The following ARVCF variants were observed in gnomAD, a reference collection of about 807,000 sequenced individuals.
ARVCF encodes ARVCF delta catenin family member, also known as splicing regulator ARVCF.
ARVCF carries 66 observed loss-of-function variants against 90.9 expected under a neutral mutation model. That is an observed-to-expected ratio of 0.73 (90% CI 0.60 to 0.89). The LOEUF (loss-of-function observed/expected upper bound fraction) is 0.89, where lower values mean the gene tolerates loss of function less well. ARVCF is among the 40% of genes least tolerant of loss of function. ARVCF has a pLI of 0.00. For missense variants in ARVCF, 1,469 were observed against 1,382.3 expected, an observed-to-expected ratio of 1.06 and a Z score of -1.00; for synonymous variants, 653 against 603.4, an observed-to-expected ratio of 1.08 and a Z score of -1.21.
downstream of ARVCF, among the ~76,000 whole-genome samples, chr22:19,966,092 T>C (rs1488520577): frequency 1.3e-5 from 2 of 152,212 alleles, no homozygotes; most frequent in Admixed American, 1.3e-4. Flanking sequence ...AACTAATAGT[T>C]TTCTCAGTGC....
chr22:19,975,665 G>C (rs372229067), intron 11 of ARVCF, 21 bp downstream of exon 11: 1 of 1,613,136 alleles, frequency 6.2e-7, no homozygotes, highest in Admixed American at 1.7e-5. Flanking sequence ...AGTGGAGCTG[G>C]CTTCATCTCA....
chr22:19,971,428 T>C (rs964754071), intron 18 of ARVCF, 93 bp from the exon 19 acceptor site: 13 of 1,432,394 alleles, frequency 9.1e-6, no homozygotes, highest in African/African-American at 1.4e-5. Context: ...AGGCTGGCGA[T>C]GTAAGGGTTG....
chr22:20,003,836 C>G (rs1268500504), intron 2 of ARVCF, among the ~76,000 whole-genome samples: 1 of 151,214 alleles, frequency 6.6e-6, no homozygotes, highest in Admixed American at 6.6e-5. Context: ...TTGACCACTT[C>G]CATTCAACAT....
chr22:20,013,390 T>A (rs1156735760), intron 1 of ARVCF, among the ~76,000 whole-genome samples: 1 of 152,246 alleles, frequency 6.6e-6, no homozygotes, highest in Non-Finnish European at 1.5e-5. Flanking sequence ...ACCCACCAGC[T>A]GGCCTTCAGG....
Position 19,972,818 on chromosome 22 carries a change from C to G in ARVCF, c.2560G>C (p.Ala854Pro). The change falls in exon 16 of 20, where the codon GCT (alanine) becomes CCT (proline). Residue 854 changes from alanine to proline, a missense_variant. Ala to Pro is a conservative substitution (Grantham distance 27). Coordinates refer to ENST00000263207, the MANE Select transcript of ARVCF (RefSeq NM_001670.3). ...GCTCCCTTAGGCCCCTTGGCAGTAGCAGCAGCTGACTGAGACATAAAACAC... is the reference window on the plus strand; with the variant it reads ...GCTCCCTTAGGCCCCTTGGCAGTAGGAGCAGCTGACTGAGACATAAAACAC... ...WTKARFQSAA[A>P]TAKGPKGALS... 1.2e-6 allele frequency: 2 copies of G among 1,613,554 alleles called. No individual in the cohort carries two copies. The highest frequency in any genetic ancestry group is 1.7e-6 in the Non-Finnish European group (2 of 1,179,764).
intron 11 of ARVCF, among the ~76,000 whole-genome samples, chr22:19,974,611 G>C (rs887086264): frequency 6.6e-6 from 1 of 151,762 alleles, no homozygotes; most frequent in African/African-American, 2.4e-5. Context: ...ACCCTCCCTG[G>C]CAACAAGACC....
rs1601566652 is a variant in ARVCF, at chr22:19,972,419, G to A, written c.2642-8C>T. ...TGCCAGTTTTCTCGCCCTCTGCAAG[G>A]CAGGAGGAGGAGACGGGCTGCATGT... is the stretch of plus-strand genomic sequence containing the variant. On this transcript the variant is annotated splice_polypyrimidine_tract_variant and splice_region_variant and intron_variant, in intron 16 of 19. Coordinates refer to ENST00000263207, the MANE Select transcript of ARVCF (RefSeq NM_001670.3). 1 of 1,613,434 alleles carries A rather than the reference G, an allele frequency of 6.2e-7. No homozygotes were observed.
Position 20,001,629 on chromosome 22 carries a change from C to A in ARVCF, c.-19+8826G>T, listed in dbSNP as rs143233301. ...GACCTGCCTGACCAACATGGAGAAA[C>A]CCCATCTCTACTAAAGATACAAACA... is the stretch of plus-strand genomic sequence containing the variant. On this transcript the variant is annotated intron_variant, in intron 2 of 19. Coordinates refer to ENST00000263207, the MANE Select transcript of ARVCF (RefSeq NM_001670.3). Among the ~76,000 whole-genome samples the A allele has an allele frequency of 1.8e-3, 277 of 152,180 alleles. 1 individual carries two copies. Among genetic ancestry groups the A allele is most frequent in the African/African-American group, 6.5e-3 (269 of 41,502 alleles).
chr22:20,005,944 T>C (rs1944608791), intron 2 of ARVCF, among the ~76,000 whole-genome samples: 1 of 152,186 alleles, frequency 6.6e-6, no homozygotes, highest in Non-Finnish European at 1.5e-5. Context: ...GTGGTATAGA[T>C]ATACAATGGA....
At chr22:19,988,484 C>T (rs1943904633) in intron 3 of ARVCF, among the ~76,000 whole-genome samples, 2 of 152,294 alleles carry the variant, frequency 1.3e-5, no homozygotes, top group Non-Finnish European at 2.9e-5. Flanking sequence ...CACCCCTCCC[C>T]ACTGGGTGGG....
intron 2 of ARVCF, among the ~76,000 whole-genome samples, chr22:19,993,389 T>A (rs1944102363): frequency 6.6e-6 from 1 of 152,248 alleles, no homozygotes; most frequent in Non-Finnish European, 1.5e-5. Context: ...AAATATATGA[T>A]GTCAAGGAAA....
intron 2 of ARVCF, among the ~76,000 whole-genome samples, chr22:20,002,326 A>T (rs767473357): frequency 6.6e-6 from 1 of 152,196 alleles, no homozygotes; most frequent in Non-Finnish European, 1.5e-5. Context: ...GCCTCTCTCT[A>T]TACCAGGCCG....
rs373021359 is a variant in ARVCF, at chr22:19,972,857, G to A, written c.2551-30C>T. 3.8e-5 allele frequency: 62 copies of A among 1,613,686 alleles called. No individual in the cohort carries two copies. In the Middle Eastern group the frequency reaches 5.0e-4, roughly 13 times the overall value. Reference sequence around the variant, plus strand: ...GACATAAAACACAGACACAGGGTGGGTGAAGCACATGGAGTGGGAATAAGG... The same window carrying A: ...GACATAAAACACAGACACAGGGTGGATGAAGCACATGGAGTGGGAATAAGG... On this transcript the variant is annotated intron_variant, in intron 15 of 19. Transcript: ENST00000263207.
chr22:19,995,966 A>C (rs1944236502), intron 2 of ARVCF, among the ~76,000 whole-genome samples: 1 of 152,142 alleles, frequency 6.6e-6, no homozygotes, highest in Non-Finnish European at 1.5e-5. Flanking sequence ...CAGCACAGAG[A>C]CTTCCTCGTC....
chr22:19,979,464 C>T, intron 6 of ARVCF: 3 of 569,016 alleles, frequency 5.3e-6, no homozygotes, highest in Non-Finnish European at 9.2e-6. Flanking sequence ...AGGTGGGTCC[C>T]AGGAGAGTTT....
rs575912867 is a variant in ARVCF, at chr22:20,007,766, G to A, written c.-19+2689C>T. On this transcript the variant is annotated intron_variant, in intron 2 of 19. Coordinates refer to ENST00000263207, the MANE Select transcript of ARVCF (RefSeq NM_001670.3). ...GGATGTAGCGACAAAGAAGGCCCTC[G>A]CCAGATGTGGCCCCTCAATCCTGGA... Among the ~76,000 whole-genome samples, 16 of 152,310 alleles carry A rather than the reference G, an allele frequency of 1.1e-4. No homozygotes were observed. The East Asian group carries it at 2.5e-3, about 24-fold the overall frequency.
At chr22:19,968,480 C>T (rs1248882654), downstream of ARVCF, 1 of 1,549,302 alleles carries the variant, frequency 6.5e-7, no homozygotes, top group Non-Finnish European at 8.8e-7. Context: ...TGGTTTGGGG[C>T]AGGTTCTCTG....
Position 19,990,947 on chromosome 22 carries a change from C to T in ARVCF, c.-18-135G>A, listed in dbSNP as rs146442877. 461 of 867,136 alleles carry T rather than the reference C, an allele frequency of 5.3e-4. No individual in the cohort carries two copies. The African/African-American group carries it at 6.3e-3, about 12-fold the overall frequency. 53.7% of individuals were successfully genotyped at this position (867,136 alleles called of 1,614,324 possible). On this transcript the variant is annotated intron_variant, in intron 2 of 19. Coordinates refer to ENST00000263207, the MANE Select transcript of ARVCF (RefSeq NM_001670.3). ...GCATCCAGCCCTCTAGAGGGAAGCA[C>T]ACTGATTAAATTCTAAATTAAAAGC...
At chr22:19,996,790 G>C (rs1944269836) in intron 2 of ARVCF, among the ~76,000 whole-genome samples, 1 of 152,152 alleles carries the variant, frequency 6.6e-6, no homozygotes, top group African/African-American at 2.4e-5. Context: ...ATCTCCCCAG[G>C]GGCCAGGGCG....
Sources: allele counts gnomAD v4.1 joint callset (sites outside exome capture counted in the v4.1 genomes callset), GRCh38; gene constraint gnomAD v4.1.1; transcripts MANE v1.5; gene names NCBI Gene and HGNC (gene_info 2026-07-23, HGNC 2026-07-21).